Variants in UQCR11 observed in about 807,000 individuals in gnomAD.
UQCR11 encodes the protein ubiquinol-cytochrome c reductase, complex III subunit XI.
Under a neutral mutation model 7.6 loss-of-function variants are expected in UQCR11, and 10 were observed. That is an observed-to-expected ratio of 1.31 (90% CI 0.81 to 2.22). The LOEUF (loss-of-function observed/expected upper bound fraction) is 2.22. Ranked by LOEUF, UQCR11 falls within the 30% of genes most tolerant of loss-of-function variation. The pLI is 0.00. For missense variants in UQCR11, 86 were observed against 75.1 expected (o/e 1.15, Z -0.54); for synonymous variants, 34 against 34.9 (o/e 0.97, Z 0.09).
chr19:1,600,830 C>G (rs1232786638), intron 1 of UQCR11, among the ~76,000 whole-genome samples: 1 of 152,088 alleles, frequency 6.6e-6, no homozygotes, highest in Non-Finnish European at 1.5e-5. Context: ...CACCAACTGC[C>G]TTCCAGCCTC....
At chr19:1,602,808 C>T (rs2060751106) in intron 1 of UQCR11, among the ~76,000 whole-genome samples, 1 of 152,210 alleles carries the variant, frequency 6.6e-6, no homozygotes, top group Non-Finnish European at 1.5e-5. Flanking sequence ...GGGCCGGCCT[C>T]CGCCTCCCCT....
chr19:1,605,127 T>C (rs1188176935), intron 1 of UQCR11, among the ~76,000 whole-genome samples: 1 of 152,174 alleles, frequency 6.6e-6, no homozygotes, highest in Non-Finnish European at 1.5e-5. Context: ...TGGAGCGGCC[T>C]AGCCGCGGAG....
intron 2 of UQCR11, chr19:1,599,083 C>T (rs1232092392): frequency 7.6e-6 from 2 of 264,860 alleles, no homozygotes; most frequent in Non-Finnish European, 1.5e-5. Context: ...CCACCTTCCC[C>T]CTCTGTCTGT....
chr19:1,603,121 T>C (rs2060751897), intron 1 of UQCR11, among the ~76,000 whole-genome samples: 1 of 152,220 alleles, frequency 6.6e-6, no homozygotes, highest in Non-Finnish European at 1.5e-5. Flanking sequence ...CCAAAGCCAC[T>C]GCCTGGTGGC....
chr19:1,604,548 G>T (rs1038381252), intron 1 of UQCR11, among the ~76,000 whole-genome samples: 4 of 150,162 alleles, frequency 2.7e-5, no homozygotes, highest in Non-Finnish European at 5.9e-5. Flanking sequence ...CTCTTTTTGG[G>T]ACACAGTCTC....
intron 1 of UQCR11, among the ~76,000 whole-genome samples, chr19:1,600,357 G>A (rs2060743853): frequency 6.6e-6 from 1 of 152,114 alleles, no homozygotes; most frequent in South Asian, 2.1e-4. Context: ...GGGACTACAG[G>A]CGCCCGTCAC....
At chr19:1,604,825 A>T (rs887583113) in intron 1 of UQCR11, among the ~76,000 whole-genome samples, 12 of 152,186 alleles carry the variant, frequency 7.9e-5, no homozygotes, top group African/African-American at 2.9e-4. Flanking sequence ...CACCGCACCC[A>T]GCCAGGCCTT....
At position 1,605,459 on chromosome 19, in the gene UQCR11, C is replaced by G. The variant is rs779238441; in HGVS notation, c.-50G>C. The G allele has an allele frequency of 1.4e-6, 2 of 1,413,376 alleles. No homozygotes were observed. Among genetic ancestry groups the G allele is most frequent in the Admixed American group, 6.4e-5 (2 of 31,380 alleles). The allele number at this position is 1,413,376 out of a possible 1,614,324, so 87.6% of individuals were successfully genotyped here. ...TGACCCTGTCCAGCTGACCCGGCTACACTGCGCAGGCGCGGCCGCGGCGCG... is the reference window on the plus strand; with the variant it reads ...TGACCCTGTCCAGCTGACCCGGCTAGACTGCGCAGGCGCGGCCGCGGCGCG... On this transcript the variant is annotated 5_prime_UTR_variant, in exon 1 of 3. Transcript: ENST00000591899.
chr19:1,602,657 G>A (rs1002415340), intron 1 of UQCR11, among the ~76,000 whole-genome samples: 7 of 152,186 alleles, frequency 4.6e-5, no homozygotes, highest in Non-Finnish European at 1.0e-4. Context: ...TCACCTTGTT[G>A]GCCAGGCTCT....
intron 2 of UQCR11, chr19:1,599,203 T>C: frequency 1.8e-6 from 1 of 562,372 alleles, no homozygotes; most frequent in South Asian, 2.1e-5. Flanking sequence ...CACACCCCAA[T>C]CACACAACCC....
At position 1,602,759 on chromosome 19, in the gene UQCR11, A is replaced by G. The variant is rs73506276; in HGVS notation, c.50+2601T>C. On this transcript the variant is annotated intron_variant, in intron 1 of 2. Coordinates refer to ENST00000591899, the MANE Select transcript of UQCR11 (RefSeq NM_006830.4). ...GAGCCACTGCGCCCAGCCCTGGGTTATTAATCACCAGAGAAGCCTGCTCAT... is the reference window on the plus strand; with the variant it reads ...GAGCCACTGCGCCCAGCCCTGGGTTGTTAATCACCAGAGAAGCCTGCTCAT... Among the ~76,000 whole-genome samples the G allele has an allele frequency of 9.1e-3, 1,386 of 152,156 alleles. 21 individuals carry two copies. The highest frequency in any genetic ancestry group is 0.032 in the African/African-American group (1,312 of 41,518).
At chr19:1,599,710 G>C (rs781735294) in intron 1 of UQCR11, 150 bp from the exon 2 acceptor site, 64 of 1,239,854 alleles carry the variant, frequency 5.2e-5, no homozygotes, top group Non-Finnish European at 7.0e-5. Flanking sequence ...CTGAGGGCTG[G>C]CACCAGCAGC....
At position 1,600,037 on chromosome 19, in the gene UQCR11, G is replaced by C. The variant is rs1007243860; in HGVS notation, c.51-477C>G. Among the ~76,000 whole-genome samples, 4 of 152,318 alleles carry C rather than the reference G, an allele frequency of 2.6e-5. No homozygotes were observed. The East Asian group carries it at 5.8e-4, about 22-fold the overall frequency. ...TCGAGGCCTCCGGTTCCAAGCTCAT[G>C]CTCTTGCCCACCACGGCACGTGCTG... is the stretch of plus-strand genomic sequence containing the variant. On this transcript the variant is annotated intron_variant, in intron 1 of 2. Transcript: ENST00000591899.
chr19:1,599,753 AGCCAGTAACT>A (rs1236537752), intron 1 of UQCR11, among the ~76,000 whole-genome samples, 193 bp from the exon 2 acceptor site: 1 of 152,244 alleles, frequency 6.6e-6, no homozygotes, highest in Non-Finnish European at 1.5e-5. Flanking sequence ...GCTCTCAGGA[AGCCAGTAACT>A]GCTCAAGGGG....
At chr19:1,599,304 G>T in intron 2 of UQCR11, 108 bp downstream of exon 2, 1 of 1,443,236 alleles carries the variant, frequency 6.9e-7, no homozygotes, top group Non-Finnish European at 9.4e-7. Context: ...GTCTCTCCAG[G>T]GGGAGCAGTG....
At chr19:1,598,919 G>A (rs780904610) in intron 2 of UQCR11, 30 of 162,570 alleles carry the variant, frequency 1.8e-4, no homozygotes, top group Admixed American at 6.6e-4. Flanking sequence ...GTAAGAGCAC[G>A]GCCACGTGGG....
chr19:1,603,606 C>CTAAA (rs2060753351), intron 1 of UQCR11, among the ~76,000 whole-genome samples: 1 of 152,074 alleles, frequency 6.6e-6, no homozygotes, highest in East Asian at 1.9e-4. Context: ...GACTCCGTCT[C>CTAAA]TAAATAAATA....
intron 1 of UQCR11, among the ~76,000 whole-genome samples, chr19:1,604,523 CTT>C (rs949472175): frequency 2.7e-5 from 4 of 149,962 alleles, no homozygotes; most frequent in Non-Finnish European, 5.9e-5. Flanking sequence ...GACCTTGCTG[CTT>C]TTTTTTTCTT....
rs1387707624 is a variant in UQCR11 at position 1,597,626 on chromosome 19, GAACTGT to G, written c.*612_*617del. The G allele has an allele frequency of 1.3e-5, 2 of 152,078 alleles. No individual in the cohort carries two copies. The highest frequency in any genetic ancestry group is 2.9e-5 in the Non-Finnish European group (2 of 68,010). The allele number at this position is 152,078 out of a possible 1,614,324, so 9.4% of individuals were successfully genotyped here. Reference sequence around the variant, plus strand: ...TTCGTGTAGGGGCCCCCATGGGAAGGAACTGTGGCTGTCACCGACAGCCACGTGAGG... The same window carrying G: ...TTCGTGTAGGGGCCCCCATGGGAAGGGGCTGTCACCGACAGCCACGTGAGG... On this transcript the variant is annotated 3_prime_UTR_variant, in exon 3 of 3. Transcript: ENST00000591899.
Sources: gnomAD v4.1 joint callset for allele counts (sites outside exome capture counted in the v4.1 genomes callset) on GRCh38, gnomAD v4.1.1 for gene constraint, MANE v1.5 for transcripts, NCBI Gene and HGNC (gene_info 2026-07-23, HGNC 2026-07-21) for gene names.